SRSF8: variants seen among roughly 807,000 people sequenced by gnomAD.
The protein encoded by SRSF8 is serine and arginine rich splicing factor 8.
SRSF8 carries 3 observed loss-of-function variants against 2.0 expected under a neutral mutation model. That is an observed-to-expected ratio of 1.47 (90% CI 0.67 to 3.79). SRSF8 has a LOEUF of 3.79. Ranked by LOEUF, SRSF8 falls within the 30% of genes most tolerant of loss-of-function variation. The probability of loss-of-function intolerance (pLI) is 0.02; values close to 1 mark genes in which losing one functional copy is unlikely to be tolerated. For synonymous variants in SRSF8, 162 were observed against 170.7 expected (o/e 0.95, Z 0.40); for missense variants, 408 against 410.9 (o/e 0.99, Z 0.06).
Position 95,070,381 on chromosome 11 carries a change from A to AAAAG in SRSF8, c.*2310_*2313dup, listed in dbSNP as rs1555107611. The stretch of plus-strand genomic sequence containing the variant: ...AAAACTTCATCTCAAAAAAAAAAAA[A>AAAAG]AAAGAAAAAGGAAAAAAACAAACAA... On this transcript the variant is annotated 3_prime_UTR_variant, in exon 1 of 1. Coordinates refer to ENST00000587424, the MANE Select transcript of SRSF8 (RefSeq NM_032102.4). 8 of 161,944 alleles carry AAAAG rather than the reference A, an allele frequency of 4.9e-5. No homozygotes were observed. The highest frequency in any genetic ancestry group is 1.2e-4 in the African/African-American group (5 of 40,740). The allele number at this position is 161,944 out of a possible 1,614,324, so 10.0% of individuals were successfully genotyped here. A position where few individuals can be genotyped will look rare whatever the true frequency, so the allele number is the denominator to read the frequency against.
rs1252483981 is a variant in SRSF8, at chr11:95,067,584, A to G, written c.358A>G (p.Ser120Gly). 4 of 1,483,960 alleles carry G rather than the reference A, an allele frequency of 2.7e-6. No individual in the cohort carries two copies. The East Asian group carries it at 7.4e-5, about 27-fold the overall frequency. The allele number at this position is 1,483,960 out of a possible 1,614,324, so 91.9% of individuals were successfully genotyped here. ...RGGGYGRRSR[S>G]YGRRSRSPRR... ...CGGCGGCTACGGACGGCGGAGCCGC[A>G]GCTACGGGCGGCGGAGCCGCAGCCC... is the stretch of plus-strand genomic sequence containing the variant. Residue 120 changes from serine to glycine, a missense_variant, in exon 1 of 1, where the codon AGC (serine) becomes GGC (glycine). Around this residue, in one of 2 missense-constraint regions of SRSF8, gnomAD observed 346 missense variants for 316.5 expected, o/e 1.09. Transcript: ENST00000587424.
rs566060182 is a variant in SRSF8 at position 95,069,846 on chromosome 11, C to G, written c.*1771C>G. 1.1e-4 allele frequency: 18 copies of G among 167,200 alleles called. No individual in the cohort carries two copies. Among genetic ancestry groups the G allele is most frequent in the African/African-American group, 4.3e-4 (18 of 41,558 alleles). The allele number at this position is 167,200 out of a possible 1,614,324, so 10.4% of individuals were successfully genotyped here. On this transcript the variant is annotated 3_prime_UTR_variant, in exon 1 of 1. Coordinates refer to ENST00000587424, the MANE Select transcript of SRSF8 (RefSeq NM_032102.4). ...GACACCCATGGCATCGTAGTAGCCC[C>G]TCGCGTCCAGCAGGTGGCGAAGGGA...
chr11:95,069,175 AATT>A lies in SRSF8; in HGVS notation c.*1105_*1107del, dbSNP rs1215018384. 6.0e-6 allele frequency: 1 copy of A among 167,024 alleles called. No individual in the cohort carries two copies. Among genetic ancestry groups the A allele is most frequent in the East Asian group, 1.9e-4 (1 of 5,206 alleles). 10.3% of individuals were successfully genotyped at this position (167,024 alleles called of 1,614,324 possible). On this transcript the variant is annotated 3_prime_UTR_variant, in exon 1 of 1. Coordinates refer to ENST00000587424, the MANE Select transcript of SRSF8 (RefSeq NM_032102.4). ...TTTTGGATATTTGTACTTTTGAGAAAATTATTAGCACCAAGTGTTTCTCAAAAT... is the reference window on the plus strand; with the variant it reads ...TTTTGGATATTTGTACTTTTGAGAAAATTAGCACCAAGTGTTTCTCAAAAT...
rs1203596123 is a variant in SRSF8 at position 95,070,326 on chromosome 11, C to CCA, written c.*2252_*2253dup. 1 of 125,592 alleles carries CCA rather than the reference C, an allele frequency of 8.0e-6. No individual in the cohort carries two copies. 7.8% of individuals were successfully genotyped at this position (125,592 alleles called of 1,614,324 possible). A position where few individuals can be genotyped will look rare whatever the true frequency, so the allele number is the denominator to read the frequency against. On this transcript the variant is annotated 3_prime_UTR_variant, in exon 1 of 1. Coordinates refer to ENST00000587424, the MANE Select transcript of SRSF8 (RefSeq NM_032102.4). ...GAGGTTGTGGTGAGCCGAGATCACG[C>CCA]CATTGCACTCCAGCCGGGGCAACAA...
At position 95,068,316 on chromosome 11, in the gene SRSF8, A is replaced by G. The variant is rs1324442504; in HGVS notation, c.*241A>G. Reference sequence around the variant, plus strand: ...GAGGTGAACGACCTAAGATTACGTTATTGGGTTTGGATATTTGAGGCAAAA... The same window carrying G: ...GAGGTGAACGACCTAAGATTACGTTGTTGGGTTTGGATATTTGAGGCAAAA... On this transcript the variant is annotated 3_prime_UTR_variant, in exon 1 of 1. Transcript: ENST00000587424. The G allele has an allele frequency of 1.9e-6, 1 of 515,690 alleles. No individual in the cohort carries two copies. Among genetic ancestry groups the G allele is most frequent in the South Asian group, 2.6e-5 (1 of 38,316 alleles). 31.9% of individuals were successfully genotyped at this position (515,690 alleles called of 1,614,324 possible). A position where few individuals can be genotyped will look rare whatever the true frequency, so the allele number is the denominator to read the frequency against.
At position 95,067,781 on chromosome 11, in the gene SRSF8, C is replaced by T; in HGVS notation, c.555C>T (p.Tyr185=). ...GATCTCGCTACAGGGAATCTCGCTA[C>T]GGCGGATCTCACTACAGCTCATCTG... The part of the protein sequence containing the change: ...YSRSRYRESR[Y]GGSHYSSSGY... Residue 185 remains tyrosine (Y), a synonymous_variant, in exon 1 of 1, where the codon TAC becomes TAT. Transcript: ENST00000587424. The T allele has an allele frequency of 2.5e-6, 4 of 1,614,042 alleles. No individual in the cohort carries two copies. The highest frequency in any genetic ancestry group is 2.2e-5 in the South Asian group (2 of 91,086).
rs1565436694 is a variant in SRSF8, at chr11:95,067,560, G to GGCGGCTACGGACGGCGGAGCC, written c.337_357dup (p.Gly113_Arg119dup). ...AGAGCCACGCGGCAGGTCCAGAGGCGGCGGCTACGGACGGCGGAGCCGCAG... is the reference window on the plus strand; with the variant it reads ...AGAGCCACGCGGCAGGTCCAGAGGCGGCGGCTACGGACGGCGGAGCCGCGGCTACGGACGGCGGAGCCGCAG... On this transcript the variant is annotated inframe_insertion, in exon 1 of 1. Transcript: ENST00000587424. The GGCGGCTACGGACGGCGGAGCC allele has an allele frequency of 1.3e-6, 2 of 1,540,936 alleles. No homozygotes were observed. The highest frequency in any genetic ancestry group is 2.5e-5 in the East Asian group (1 of 40,812).
rs1858675826 is a variant in SRSF8, at chr11:95,067,772, A to G, written c.546A>G (p.Glu182=). ...RSPYSRSRYR[E]SRYGGSHYSS... ...CCTACAGCAGATCTCGCTACAGGGAATCTCGCTACGGCGGATCTCACTACA... is the reference window on the plus strand; with the variant it reads ...CCTACAGCAGATCTCGCTACAGGGAGTCTCGCTACGGCGGATCTCACTACA... The change falls in exon 1 of 1, where the codon GAA becomes GAG. Residue 182 remains glutamate (E), a synonymous_variant. Transcript: ENST00000587424. 2.5e-6 allele frequency: 4 copies of G among 1,613,886 alleles called. No homozygotes were observed. The highest frequency in any genetic ancestry group is 3.3e-5 in the Admixed American group (2 of 60,012).
Position 95,067,626 on chromosome 11 carries a change from A to C in SRSF8, c.400A>C (p.Ser134Arg). The change falls in exon 1 of 1, where the codon AGC becomes CGC. Residue 134 changes from serine (S) to arginine (R), a missense_variant. Physicochemically the swap from Ser to Arg is moderately radical, Grantham distance 110. Transcript: ENST00000587424. ...RSRSPRRRHRSRSRGPSCSRS... is the reference protein window; with the variant it reads ...RSRSPRRRHRRRSRGPSCSRS... ...CCGCAGCCCCAGGCGGCGACACCGC[A>C]GCCGATCCCGGGGTCCCAGCTGCTC... 6.3e-7 allele frequency: 1 copy of C among 1,582,630 alleles called. No homozygotes were observed.
At position 95,067,076 on chromosome 11, in the gene SRSF8, A is replaced by G. The variant is rs1858654176; in HGVS notation, c.-151A>G. The G allele has an allele frequency of 2.0e-5, 14 of 687,272 alleles. No homozygotes were observed. The South Asian group carries it at 3.7e-4, about 18-fold the overall frequency. 42.6% of individuals were successfully genotyped at this position (687,272 alleles called of 1,614,324 possible). A position where few individuals can be genotyped will look rare whatever the true frequency, so the allele number is the denominator to read the frequency against. The stretch of plus-strand genomic sequence containing the variant: ...TTGGGAACTCGGAAGTTGCTGCTCC[A>G]GGGCGCTCCCTGCGGAGCTCCGCCG... On this transcript the variant is annotated 5_prime_UTR_variant, in exon 1 of 1. Transcript: ENST00000587424.
rs1239948209 is a variant in SRSF8, at chr11:95,068,861, T to C, written c.*786T>C. 1 of 167,180 alleles carries C rather than the reference T, an allele frequency of 6.0e-6. No individual in the cohort carries two copies. Among genetic ancestry groups the C allele is most frequent in the African/African-American group, 2.4e-5 (1 of 41,464 alleles). 10.4% of individuals were successfully genotyped at this position (167,180 alleles called of 1,614,324 possible). On this transcript the variant is annotated 3_prime_UTR_variant, in exon 1 of 1. Transcript: ENST00000587424. ...GGCCTTGCAGATAAATAATGGAGCA[T>C]GCAGTGAGCACATCTAGCTGACGAT...
In SRSF8 at chr11:95,067,136, A is replaced by C. The variant is rs1858655575; in HGVS notation, c.-91A>C. On this transcript the variant is annotated 5_prime_UTR_variant, in exon 1 of 1. Transcript: ENST00000587424. ...CCGCCCGGCCTTTCCCGGCGTCCCCACGCGGGGCGCAACCGCGAGAAAGAA... is the reference window on the plus strand; with the variant it reads ...CCGCCCGGCCTTTCCCGGCGTCCCCCCGCGGGGCGCAACCGCGAGAAAGAA... 1.6e-6 allele frequency: 2 copies of C among 1,254,652 alleles called. No individual in the cohort carries two copies. Among genetic ancestry groups the C allele is most frequent in the South Asian group, 2.1e-5 (1 of 48,012 alleles). The allele number at this position is 1,254,652 out of a possible 1,614,324, so 77.7% of individuals were successfully genotyped here.
rs1200719759 is a variant in SRSF8 at position 95,069,691 on chromosome 11, C to T, written c.*1616C>T. On this transcript the variant is annotated 3_prime_UTR_variant, in exon 1 of 1. Coordinates refer to ENST00000587424, the MANE Select transcript of SRSF8 (RefSeq NM_032102.4). Reference sequence around the variant, plus strand: ...AGTTAGTATTGCTTTCATATATAGACTCCAGAATCTAAATTTTACGATAAT... The same window carrying T: ...AGTTAGTATTGCTTTCATATATAGATTCCAGAATCTAAATTTTACGATAAT... 1 of 167,038 alleles carries T rather than the reference C, an allele frequency of 6.0e-6. No homozygotes were observed. Among genetic ancestry groups the T allele is most frequent in the Admixed American group, 6.5e-5 (1 of 15,284 alleles). 10.3% of individuals were successfully genotyped at this position (167,038 alleles called of 1,614,324 possible).
Position 95,068,250 on chromosome 11 carries a change from A to G in SRSF8, c.*175A>G. The G allele has an allele frequency of 1.6e-6, 1 of 637,826 alleles. No individual in the cohort carries two copies. The allele number at this position is 637,826 out of a possible 1,614,324, so 39.5% of individuals were successfully genotyped here. A position where few individuals can be genotyped will look rare whatever the true frequency, so the allele number is the denominator to read the frequency against. ...TGCATCAGGTGGCAAAATTCATTCT[A>G]TGTGCCGTTTTGTTGTTATTCACAT... On this transcript the variant is annotated 3_prime_UTR_variant, in exon 1 of 1. Transcript: ENST00000587424.
Position 95,068,056 on chromosome 11 carries a change from A to T in SRSF8, c.830A>T (p.Glu277Val). The change falls in exon 1 of 1, where the codon GAA becomes GTA. Residue 277 changes from glutamate to valine, a missense_variant. This residue lies in a region of SRSF8 where 346 missense variants were observed against 316.5 expected (regional missense o/e 1.09). Transcript: ENST00000587424. ...AGGCCCCCCAAGTCTCCTGAAGAGG[A>T]AGGACAGATGTCCTCTTAAGAAAAT... ...SKRPPKSPEEEGQMSS is the reference protein window; with the variant it reads ...SKRPPKSPEEVGQMSS 3.1e-6 allele frequency: 5 copies of T among 1,612,238 alleles called. No homozygotes were observed. The highest frequency in any genetic ancestry group is 4.2e-6 in the Non-Finnish European group (5 of 1,178,512).
rs782134278 is a variant in SRSF8, at chr11:95,067,459, C to T, written c.233C>T (p.Ala78Val). ...GACGCCGAGGCCGCCATGGACGGGG[C>T]GGAGCTGGACGGACGCGAGCTGCGG... is the stretch of plus-strand genomic sequence containing the variant. ...AQDAEAAMDG[A>V]ELDGRELRVQ... The change falls in exon 1 of 1, where the codon GCG (alanine) becomes GTG (valine). Residue 78 changes from alanine (A) to valine (V), a missense_variant. This residue lies in a region of SRSF8 where 346 missense variants were observed against 316.5 expected (regional missense o/e 1.09). Coordinates refer to ENST00000587424, the MANE Select transcript of SRSF8 (RefSeq NM_032102.4). 6.3e-6 allele frequency: 9 copies of T among 1,430,256 alleles called. No homozygotes were observed. The highest frequency in any genetic ancestry group is 3.2e-5 in the East Asian group (1 of 31,148). 88.6% of individuals were successfully genotyped at this position (1,430,256 alleles called of 1,614,324 possible). A position where few individuals can be genotyped will look rare whatever the true frequency, so the allele number is the denominator to read the frequency against.
chr11:95,068,095 G>A lies in SRSF8; in HGVS notation c.*20G>A. Reference sequence around the variant, plus strand: ...TCTTAAGAAAATGATGCATCAGGAAGCAACGTGATGGAGGACTTGGGGGAA... The same window carrying A: ...TCTTAAGAAAATGATGCATCAGGAAACAACGTGATGGAGGACTTGGGGGAA... On this transcript the variant is annotated 3_prime_UTR_variant, in exon 1 of 1. Coordinates refer to ENST00000587424, the MANE Select transcript of SRSF8 (RefSeq NM_032102.4). The A allele has an allele frequency of 6.3e-7, 1 of 1,590,854 alleles. No individual in the cohort carries two copies. The highest frequency in any genetic ancestry group is 8.6e-7 in the Non-Finnish European group (1 of 1,163,144).
In SRSF8 at chr11:95,067,929, T is replaced by C; in HGVS notation, c.703T>C (p.Ser235Pro). 6.2e-7 allele frequency: 1 copy of C among 1,613,996 alleles called. No homozygotes were observed. Among genetic ancestry groups the C allele is most frequent in the Non-Finnish European group, 8.5e-7 (1 of 1,179,900 alleles). The change falls in exon 1 of 1, where the codon TCC (serine) becomes CCC (proline). Residue 235 changes from serine (S) to proline (P), a missense_variant. By Grantham distance (74) the Ser-to-Pro change is moderately conservative. Transcript: ENST00000587424. The stretch of plus-strand genomic sequence containing the variant: ...GAGCTCTGCGCGACGATCCAAGTCC[T>C]CCTCGGTCTCCAGGTCTCGCTCGCG... ...KSSSARRSKS[S>P]SVSRSRSRSR...
Position 95,067,126 on chromosome 11 carries a change from CG to C in SRSF8, c.-99del. On this transcript the variant is annotated 5_prime_UTR_variant, in exon 1 of 1. Coordinates refer to ENST00000587424, the MANE Select transcript of SRSF8 (RefSeq NM_032102.4). ...GCCCGCCTCTCCGCCCGGCCTTTCCCGGCGTCCCCACGCGGGGCGCAACCGC... is the reference window on the plus strand; with the variant it reads ...GCCCGCCTCTCCGCCCGGCCTTTCCCGCGTCCCCACGCGGGGCGCAACCGC... 1 of 1,197,614 alleles carries C rather than the reference CG, an allele frequency of 8.3e-7. No individual in the cohort carries two copies. The highest frequency in any genetic ancestry group is 1.1e-6 in the Non-Finnish European group (1 of 909,812). 74.2% of individuals were successfully genotyped at this position (1,197,614 alleles called of 1,614,324 possible).
Sources: allele counts gnomAD v4.1 joint callset, GRCh38; gene constraint gnomAD v4.1.1; regional missense constraint gnomAD v4.1.1; transcripts MANE v1.5; gene names NCBI Gene and HGNC (gene_info 2026-07-23, HGNC 2026-07-21).